The following ARHGAP26 variants were observed in gnomAD, a reference collection of about 807,000 sequenced individuals.
The protein encoded by ARHGAP26 is rho GTPase-activating protein 26.
Under a neutral mutation model 104.8 loss-of-function variants are expected in ARHGAP26, and 38 were observed. The observed-to-expected ratio is 0.36, with a 90% CI of 0.28 to 0.48. The LOEUF is 0.48. Ranked by LOEUF, ARHGAP26 falls within the 20% of genes least tolerant of loss-of-function variation. The pLI, the probability that ARHGAP26 is intolerant of heterozygous loss-of-function variation, is 0.99. For missense variants in ARHGAP26, 704 were observed against 947.9 expected (o/e 0.74, Z 3.38); for synonymous variants, 341 against 340.0 (o/e 1.00, Z -0.03).
intron 1 of ARHGAP26, among the ~76,000 whole-genome samples, chr5:142,863,444 C>A (rs999628681): frequency 6.6e-6 from 1 of 152,220 alleles, no homozygotes; most frequent in Admixed American, 6.5e-5. Context: ...TGTCACATAA[C>A]TCTCCCTAGG....
At chr5:142,980,651 A>C (rs1479041941) in intron 11 of ARHGAP26, among the ~76,000 whole-genome samples, 2 of 152,038 alleles carry the variant, frequency 1.3e-5, no homozygotes, top group African/African-American at 4.8e-5. Flanking sequence ...GGCCTCCCAA[A>C]GTGCTGGGAT....
intron 17 of ARHGAP26, among the ~76,000 whole-genome samples, chr5:143,108,468 CA>C (rs1794338987): frequency 6.6e-6 from 1 of 152,084 alleles, no homozygotes; most frequent in Non-Finnish European, 1.5e-5. Context: ...ATCAAATATC[CA>C]AACATAATCT....
At chr5:142,924,028 A>T (rs1018407577) in intron 10 of ARHGAP26, among the ~76,000 whole-genome samples, 2 of 151,658 alleles carry the variant, frequency 1.3e-5, no homozygotes, top group Non-Finnish European at 2.9e-5. Context: ...CACCTGGCTA[A>T]TTTTTTTGTA....
chr5:143,166,816 A>G (rs1330309025), intron 20 of ARHGAP26, among the ~76,000 whole-genome samples: 4 of 152,236 alleles, frequency 2.6e-5, no homozygotes, highest in Non-Finnish European at 5.9e-5. Flanking sequence ...TGCCAAGTCC[A>G]GGACATACCT....
chr5:143,211,499 T>A (rs908920159), intron 21 of ARHGAP26, among the ~76,000 whole-genome samples: 11 of 152,000 alleles, frequency 7.2e-5, no homozygotes, highest in African/African-American at 2.7e-4. Flanking sequence ...AGCCCTCCCA[T>A]AGACTGTCAG....
chr5:143,200,280 A>G (rs1199571418), intron 20 of ARHGAP26, among the ~76,000 whole-genome samples: 1 of 152,220 alleles, frequency 6.6e-6, no homozygotes, highest in East Asian at 1.9e-4. Flanking sequence ...ACGGTATATC[A>G]ACACCTTTAA....
intron 17 of ARHGAP26, among the ~76,000 whole-genome samples, chr5:143,073,011 A>G (rs954539402): frequency 6.6e-6 from 1 of 152,218 alleles, no homozygotes; most frequent in Non-Finnish European, 1.5e-5. Context: ...ATGAATATGT[A>G]CAATTATAAT....
At chr5:142,983,465 C>G (rs1233780854) in intron 11 of ARHGAP26, among the ~76,000 whole-genome samples, 2 of 152,190 alleles carry the variant, frequency 1.3e-5, no homozygotes, top group African/African-American at 4.8e-5. Flanking sequence ...CTCGGCCTCT[C>G]AAAGTGCTGG....
chr5:143,148,054 C>G (rs186398423), intron 20 of ARHGAP26, among the ~76,000 whole-genome samples: 1 of 152,332 alleles, frequency 6.6e-6, no homozygotes, highest in Non-Finnish European at 1.5e-5. Flanking sequence ...CATTGCTTCA[C>G]ATGCTTCCTT....
intron 1 of ARHGAP26, among the ~76,000 whole-genome samples, chr5:142,816,422 A>G (rs975405752): frequency 5.9e-5 from 9 of 152,216 alleles, no homozygotes; most frequent in South Asian, 2.1e-4. Flanking sequence ...ATCATAGAGA[A>G]CACAATTAAA....
intron 11 of ARHGAP26, among the ~76,000 whole-genome samples, chr5:142,947,294 CT>C (rs893404185): frequency 5.9e-5 from 9 of 151,976 alleles, no homozygotes; most frequent in Admixed American, 6.6e-5. Flanking sequence ...TTGATGTGGA[CT>C]TTTTGTTTGT....
At chr5:142,931,262 G>T (rs1764674611) in intron 10 of ARHGAP26, among the ~76,000 whole-genome samples, 1 of 152,216 alleles carries the variant, frequency 6.6e-6, no homozygotes, top group Middle Eastern at 3.2e-3. Context: ...AAGAACTCCT[G>T]CTTTAATGGG....
rs10610584 is a variant in ARHGAP26 at position 143,168,445 on chromosome 5, C to CTTTTTTTTTTTTTTT, written c.1988+21081_1988+21095dup. The CTTTTTTTTTTTTTTT allele has an allele frequency of 2.2e-3, 57 of 25,710 alleles. 11 individuals carry two copies. The highest frequency in any genetic ancestry group is 3.1e-3 in the Non-Finnish European group (45 of 14,548). The allele number at this position is 25,710 out of a possible 1,614,324, so 1.6% of individuals were successfully genotyped here. A position where few individuals can be genotyped will look rare whatever the true frequency, so the allele number is the denominator to read the frequency against. On this transcript the variant is annotated intron_variant, in intron 20 of 22. Coordinates refer to ENST00000645722, the MANE Select transcript of ARHGAP26 (RefSeq NM_001135608.3). ...CAAATAGACCTCACCATCTGGAACT[C>CTTTTTTTTTTTTTTT]TTTTTTTTTTTTTTTTTTTTTTTTT...
At chr5:142,861,136 G>A (rs1186996233) in intron 1 of ARHGAP26, among the ~76,000 whole-genome samples, 4 of 152,134 alleles carry the variant, frequency 2.6e-5, no homozygotes, top group Admixed American at 6.5e-5. Context: ...GAGAGGAGAC[G>A]GTGCAGAGTG....
chr5:143,075,260 T>C (rs1382967548), intron 17 of ARHGAP26, among the ~76,000 whole-genome samples: 2 of 151,670 alleles, frequency 1.3e-5, no homozygotes, highest in East Asian at 3.8e-4. Flanking sequence ...CAGAGCTATG[T>C]AAGTAAATAT....
At chr5:142,959,623 C>A (rs991059668) in intron 11 of ARHGAP26, among the ~76,000 whole-genome samples, 1 of 152,152 alleles carries the variant, frequency 6.6e-6, no homozygotes, top group Non-Finnish European at 1.5e-5. Flanking sequence ...CATGTTGAAT[C>A]CACCCTATGC....
intron 1 of ARHGAP26, among the ~76,000 whole-genome samples, chr5:142,852,441 A>T (rs1751676692): frequency 6.6e-6 from 1 of 152,242 alleles, no homozygotes; most frequent in African/African-American, 2.4e-5. Context: ...AGGATCAGCA[A>T]TCTTAAAACC....
At chr5:142,797,999 A>T (rs554672982) in intron 1 of ARHGAP26, among the ~76,000 whole-genome samples, 1 of 152,256 alleles carries the variant, frequency 6.6e-6, no homozygotes, top group South Asian at 2.1e-4. Flanking sequence ...GCTATGTCCC[A>T]GCCTTTCTCT....
chr5:142,897,378 T>C (rs1275744565), intron 6 of ARHGAP26, among the ~76,000 whole-genome samples: 3 of 152,254 alleles, frequency 2.0e-5, no homozygotes, highest in Non-Finnish European at 4.4e-5. Flanking sequence ...GTTTGGCCTT[T>C]GCTTTTCTAC....
Sources: allele counts gnomAD v4.1 joint callset (sites outside exome capture counted in the v4.1 genomes callset), GRCh38; gene constraint gnomAD v4.1.1; transcripts MANE v1.5; gene names NCBI Gene and HGNC (gene_info 2026-07-23, HGNC 2026-07-21).